CPNE5: variants seen among roughly 807,000 people sequenced by gnomAD.
The protein encoded by CPNE5 is copine 5.
CPNE5 carries 42 observed loss-of-function variants against 81.1 expected under a neutral mutation model. The ratio of observed to expected loss-of-function variants is 0.52; its 90% CI spans 0.40 to 0.67. The LOEUF (loss-of-function observed/expected upper bound fraction) is 0.67, where lower values mean the gene tolerates loss of function less well. Ranked by LOEUF, CPNE5 falls within the 30% of genes least tolerant of loss-of-function variation. CPNE5 has a pLI of 0.00. For missense variants in CPNE5, 612 were observed against 815.5 expected (o/e 0.75, Z 3.04); for synonymous variants, 313 against 321.5 (o/e 0.97, Z 0.28).
rs190684498 is a variant in CPNE5, at chr6:36,758,626, G to T, written c.856-2328C>A. ...CCATGCGAGAGGTCATGAGGACTTG[G>T]GGGTATTGGGACAGGTGCTGAGCTA... On this transcript the variant is annotated intron_variant, in intron 12 of 20. Coordinates refer to ENST00000244751, the MANE Select transcript of CPNE5 (RefSeq NM_020939.2). Among the ~76,000 whole-genome samples, 97 of 152,284 alleles carry T rather than the reference G, an allele frequency of 6.4e-4. 1 individual carries two copies. In the East Asian group the frequency reaches 0.018, roughly 28 times the overall value.
chr6:36,792,056 C>A lies in CPNE5; in HGVS notation c.505G>T (p.Ala169Ser). ...GKKCGTIILS[A>S]EELSNCRDVA... ...ACCCTACAGTTGCTGAGCTCCTCAG[C>A]GGACAGGATGATGGTGCCACATTTC... is the stretch of plus-strand genomic sequence containing the variant. The change falls in exon 8 of 21, where the codon GCT (alanine) becomes TCT (serine). Residue 169 changes from alanine to serine, a missense_variant. Physicochemically the swap from Ala to Ser is moderately conservative, Grantham distance 99. Transcript: ENST00000244751. The A allele has an allele frequency of 2.5e-6, 4 of 1,613,992 alleles. No homozygotes were observed. Among genetic ancestry groups the A allele is most frequent in the Non-Finnish European group, 3.4e-6 (4 of 1,179,910 alleles).
intron 14 of CPNE5, 96 bp from the exon 15 acceptor site, chr6:36,748,363 T>A (rs1252881476): frequency 1.2e-5 from 13 of 1,091,758 alleles, no homozygotes; most frequent in Non-Finnish European, 1.8e-5. Context: ...CTGGCTCTGC[T>A]GCTTGCCAGG....
At chr6:36,824,574 C>A (rs1772344832) in intron 1 of CPNE5, among the ~76,000 whole-genome samples, 1 of 152,232 alleles carries the variant, frequency 6.6e-6, no homozygotes, top group African/African-American at 2.4e-5. Flanking sequence ...CCACAGGGGC[C>A]TCTGCCCCTT....
At chr6:36,745,992 G>A (rs554528268) in intron 16 of CPNE5, among the ~76,000 whole-genome samples, 167 of 152,244 alleles carry the variant, frequency 1.1e-3, no homozygotes, top group African/African-American at 3.5e-3. Flanking sequence ...CACAGGGCCC[G>A]GGATGCCCAG....
rs143334558 is a variant in CPNE5 at position 36,819,997 on chromosome 6, G to A, written c.183+2117C>T. ...CCTGCAAGCCAGCTTCAGCTCCGCC[G>A]CTCAGCAAGCACATCCCACCTCGCA... On this transcript the variant is annotated intron_variant, in intron 3 of 20. Coordinates refer to ENST00000244751, the MANE Select transcript of CPNE5 (RefSeq NM_020939.2). Among the ~76,000 whole-genome samples the A allele has an allele frequency of 1.7e-3, 255 of 152,306 alleles. 2 individuals are homozygous for A. Among genetic ancestry groups the A allele is most frequent in the African/African-American group, 5.5e-3 (227 of 41,562 alleles).
At chr6:36,785,158 T>C (rs951816925) in intron 8 of CPNE5, among the ~76,000 whole-genome samples, 5 of 152,102 alleles carry the variant, frequency 3.3e-5, no homozygotes, top group Non-Finnish European at 7.3e-5. Context: ...GCTGGGGAGA[T>C]TATAGCAGAC....
chr6:36,803,893 T>G (rs1354264976), intron 3 of CPNE5, among the ~76,000 whole-genome samples: 1 of 152,210 alleles, frequency 6.6e-6, no homozygotes, highest in Non-Finnish European at 1.5e-5. Flanking sequence ...CAACTGTGCT[T>G]TTTTAAAGTT....
At chr6:36,835,170 G>A (rs190994466) in intron 1 of CPNE5, among the ~76,000 whole-genome samples, 1 of 152,232 alleles carries the variant, frequency 6.6e-6, no homozygotes, top group African/African-American at 2.4e-5. Context: ...ACTGTGCATT[G>A]CTTCTCCAGC....
At chr6:36,814,392 A>G (rs866441831) in intron 3 of CPNE5, among the ~76,000 whole-genome samples, 1 of 152,222 alleles carries the variant, frequency 6.6e-6, no homozygotes, top group African/African-American at 2.4e-5. Context: ...CAAACGACAC[A>G]TGATGGCAAT....
intron 1 of CPNE5, among the ~76,000 whole-genome samples, chr6:36,830,171 C>G (rs1379537679): frequency 6.6e-6 from 1 of 152,190 alleles, no homozygotes; most frequent in African/African-American, 2.4e-5. Flanking sequence ...AATGTGAACT[C>G]TGAACTCTGA....
At chr6:36,764,488 T>A (rs1766366096) in intron 11 of CPNE5, among the ~76,000 whole-genome samples, 1 of 152,112 alleles carries the variant, frequency 6.6e-6, no homozygotes. Flanking sequence ...CAGCGGACAC[T>A]GGGGGACCTT....
chr6:36,787,566 C>G (rs1768679362), intron 8 of CPNE5, among the ~76,000 whole-genome samples: 1 of 152,148 alleles, frequency 6.6e-6, no homozygotes, highest in African/African-American at 2.4e-5. Context: ...GGCGCTGGAT[C>G]TGCCAGGGCT....
At chr6:36,815,164 A>AC (rs1464078379) in intron 3 of CPNE5, among the ~76,000 whole-genome samples, 2 of 142,828 alleles carry the variant, frequency 1.4e-5, no homozygotes, top group African/African-American at 5.3e-5. Context: ...TCTCAAAAAA[A>AC]AAAAAAAGAA....
At chr6:36,781,811 T>C (rs576241948) in intron 8 of CPNE5, among the ~76,000 whole-genome samples, 1 of 152,288 alleles carries the variant, frequency 6.6e-6, no homozygotes, top group East Asian at 1.9e-4. Context: ...CCCGTGTGAC[T>C]ACACAGGCCA....
chr6:36,796,906 G>GTTA (rs1184982254), intron 6 of CPNE5, among the ~76,000 whole-genome samples: 73 of 151,768 alleles, frequency 4.8e-4, no homozygotes, highest in Non-Finnish European at 9.0e-4. Context: ...ACACATTGCA[G>GTTA]TTATTATTAT....
intron 7 of CPNE5, 79 bp downstream of exon 7, chr6:36,794,511 G>A: frequency 7.4e-7 from 1 of 1,353,490 alleles, no homozygotes; most frequent in South Asian, 1.2e-5. Flanking sequence ...GCAGGGACGA[G>A]GCCCAGACTC....
intron 1 of CPNE5, among the ~76,000 whole-genome samples, chr6:36,833,139 C>T (rs1167672666): frequency 6.6e-6 from 1 of 152,194 alleles, no homozygotes; most frequent in African/African-American, 2.4e-5. Flanking sequence ...CCTCCAATCT[C>T]AAGAAGCCCT....
chr6:36,757,923 G>C (rs1408392144), intron 12 of CPNE5, among the ~76,000 whole-genome samples: 2 of 152,128 alleles, frequency 1.3e-5, no homozygotes, highest in Non-Finnish European at 2.9e-5. Flanking sequence ...GGTTGGAGGA[G>C]AGCCTAGAAT....
chr6:36,769,036 T>G (rs1226545593), intron 10 of CPNE5, among the ~76,000 whole-genome samples: 1 of 152,194 alleles, frequency 6.6e-6, no homozygotes, highest in African/African-American at 2.4e-5. Context: ...CTCCATCCCT[T>G]TATCCAAGCT....
Sources: allele counts gnomAD v4.1 joint callset (sites outside exome capture counted in the v4.1 genomes callset), GRCh38; gene constraint gnomAD v4.1.1; transcripts MANE v1.5; gene names NCBI Gene and HGNC (gene_info 2026-07-23, HGNC 2026-07-21).